UNC13B: variants seen among roughly 807,000 people sequenced by gnomAD.
The protein encoded by UNC13B is unc-13 homolog B, also known as protein unc-13 homolog B.
A neutral mutation model predicts 211.0 loss-of-function variants in UNC13B; 144 were observed. The observed-to-expected ratio is 0.68, with a 90% confidence interval of 0.60 to 0.78. The LOEUF (loss-of-function observed/expected upper bound fraction) is 0.78. Ranked by LOEUF, UNC13B falls within the 30% of genes least tolerant of loss-of-function variation. The pLI, the probability that UNC13B is intolerant of heterozygous loss-of-function variation, is 0.00. For missense variants in UNC13B, 1,777 were observed against 2,002.0 expected, an observed-to-expected ratio of 0.89 and a Z score of 2.14; for synonymous variants, 709 against 725.8, an observed-to-expected ratio of 0.98 and a Z score of 0.37.
intron 11 of UNC13B, among the ~76,000 whole-genome samples, chr9:35,315,850 T>C (rs1362552493): frequency 6.6e-6 from 1 of 152,210 alleles, no homozygotes; most frequent in East Asian, 1.9e-4. Flanking sequence ...TTGGGTCCAT[T>C]CAGTGTTTCC....
intron 10 of UNC13B, among the ~76,000 whole-genome samples, chr9:35,313,149 T>A (rs1453670227): frequency 1.3e-5 from 2 of 152,162 alleles, no homozygotes; most frequent in Non-Finnish European, 2.9e-5. Flanking sequence ...GCTCTCGCCA[T>A]TGCCTCTAGA....
intron 7 of UNC13B, among the ~76,000 whole-genome samples, chr9:35,268,783 C>T (rs939894978): frequency 6.6e-6 from 1 of 152,010 alleles, no homozygotes; most frequent in East Asian, 1.9e-4. Flanking sequence ...TATTTTTCTC[C>T]TTTGTAACTA....
chr9:35,381,106 G>C lies in UNC13B; in HGVS notation c.10382G>C (p.Arg3461Thr), dbSNP rs142888810. 5 of 1,613,904 alleles carry C rather than the reference G, an allele frequency of 3.1e-6. No individual in the cohort carries two copies. The highest frequency in any genetic ancestry group is 2.5e-6 in the Non-Finnish European group (3 of 1,179,858). The part of the protein sequence containing the change: ...EMDVWYNLEK[R>T]TDKSAVSGAI... ...AGTCTTCTTTCCTTCCTAGAGAAGAGGACAGACAAATCAGCCGTCTCAGGG... is the reference window on the plus strand; with the variant it reads ...AGTCTTCTTTCCTTCCTAGAGAAGACGACAGACAAATCAGCCGTCTCAGGG... Residue 3461 changes from arginine (R) to threonine (T), a missense_variant, in exon 19 of 40, where the codon AGG (arginine) becomes ACG (threonine). Arg to Thr is a moderately conservative substitution (Grantham distance 71). Coordinates refer to ENST00000635942, the MANE Select transcript of UNC13B (RefSeq NM_001371189.2).
chr9:35,321,742 C>T (rs946216858), intron 11 of UNC13B, among the ~76,000 whole-genome samples: 31 of 152,138 alleles, frequency 2.0e-4, no homozygotes, highest in African/African-American at 4.8e-4. Context: ...CTCAGGTGAT[C>T]GTCCTGTCTG....
At chr9:35,242,059 A>G (rs1825841677) in intron 5 of UNC13B, among the ~76,000 whole-genome samples, 1 of 152,152 alleles carries the variant, frequency 6.6e-6, no homozygotes, top group African/African-American at 2.4e-5. Context: ...GTTTCTCTTC[A>G]GTGCTGGTTA....
At chr9:35,259,122 C>G (rs1827107819) in intron 7 of UNC13B, 72 bp downstream of exon 7, 1 of 1,508,040 alleles carries the variant, frequency 6.6e-7, no homozygotes, top group African/African-American at 1.4e-5. Context: ...ATGGGTTATT[C>G]TGAGCTGGGG....
intron 6 of UNC13B, among the ~76,000 whole-genome samples, chr9:35,256,186 C>T (rs570927446): frequency 3.3e-5 from 5 of 152,080 alleles, no homozygotes; most frequent in Admixed American, 1.3e-4. Context: ...GCTAAAATTC[C>T]ATAGTTTATT....
chr9:35,254,570 T>C (rs1826706100), intron 6 of UNC13B, among the ~76,000 whole-genome samples: 1 of 152,020 alleles, frequency 6.6e-6, no homozygotes, highest in African/African-American at 2.4e-5. Context: ...AGCAGAGGGG[T>C]GTATATTTTT....
intron 9 of UNC13B, 28 bp from the exon 10 acceptor site, chr9:35,310,439 C>A: frequency 6.2e-7 from 1 of 1,603,234 alleles, no homozygotes; most frequent in South Asian, 1.1e-5. Context: ...CATTTATTTA[C>A]TTATCTGTCT....
At chr9:35,257,580 CAAAAAAAAAA>C (rs1160474466) in intron 6 of UNC13B, among the ~76,000 whole-genome samples, 15 of 36,388 alleles carry the variant, frequency 4.1e-4, no homozygotes, top group East Asian at 2.6e-3. Flanking sequence ...GAATCTGTAT[CAAAAAAAAAA>C]AAAAAAAAAA....
At chr9:35,370,162 C>T (rs994948436) in intron 12 of UNC13B, among the ~76,000 whole-genome samples, 156 bp from the exon 13 acceptor site, 1 of 152,200 alleles carries the variant, frequency 6.6e-6, no homozygotes, top group African/African-American at 2.4e-5. Flanking sequence ...CTTTATTTCC[C>T]TGACTTTCTG....
intron 23 of UNC13B, 106 bp downstream of exon 23, chr9:35,385,919 C>T (rs1835159526): frequency 1.4e-6 from 2 of 1,459,216 alleles, no homozygotes; most frequent in African/African-American, 1.4e-5. Context: ...GGATTCATCA[C>T]CTCTAAGCTT....
chr9:35,214,631 T>C (rs2131431368), intron 1 of UNC13B, among the ~76,000 whole-genome samples: 1 of 151,934 alleles, frequency 6.6e-6, no homozygotes, highest in Non-Finnish European at 1.5e-5. Flanking sequence ...GCAGATAAAA[T>C]GAGAAAGTCC....
chr9:35,226,372 A>G (rs1274710793), intron 1 of UNC13B, among the ~76,000 whole-genome samples: 1 of 151,324 alleles, frequency 6.6e-6, no homozygotes, highest in South Asian at 2.1e-4. Context: ...GTGTGTGTGT[A>G]TGTGTGTGTG....
At chr9:35,234,263 A>C (rs190253751) in intron 3 of UNC13B, among the ~76,000 whole-genome samples, 2 of 152,130 alleles carry the variant, frequency 1.3e-5, no homozygotes, top group East Asian at 3.9e-4. Flanking sequence ...CTACAGATGC[A>C]TGCCACCATG....
intron 11 of UNC13B, among the ~76,000 whole-genome samples, chr9:35,349,497 G>A (rs1832584086): frequency 6.6e-6 from 1 of 152,174 alleles, no homozygotes; most frequent in Non-Finnish European, 1.5e-5. Context: ...AATTCTGGTT[G>A]TGCAGGTAGT....
chr9:35,398,515 G>C, intron 31 of UNC13B, 39 bp from the exon 32 acceptor site: 1 of 1,602,932 alleles, frequency 6.2e-7, no homozygotes. Flanking sequence ...AAGAGGGTAA[G>C]AAAAGCAGCC....
At chr9:35,235,256 C>T (rs2131523903) in intron 3 of UNC13B, among the ~76,000 whole-genome samples, 1 of 152,138 alleles carries the variant, frequency 6.6e-6, no homozygotes, top group African/African-American at 2.4e-5. Flanking sequence ...ATCATTATCC[C>T]ATGGTAATAA....
chr9:35,241,316 G>T (rs1241895466), intron 5 of UNC13B, among the ~76,000 whole-genome samples: 1 of 152,070 alleles, frequency 6.6e-6, no homozygotes, highest in African/African-American at 2.4e-5. Flanking sequence ...ACCACTTCCT[G>T]TTGGGTATTT....
Sources: allele counts gnomAD v4.1 joint callset (sites outside exome capture counted in the v4.1 genomes callset), GRCh38; gene constraint gnomAD v4.1.1; transcripts MANE v1.5; gene names NCBI Gene and HGNC (gene_info 2026-07-23, HGNC 2026-07-21).